Variants in FOXN3 observed in about 807,000 individuals in gnomAD.
FOXN3 encodes the protein forkhead box protein N3.
In FOXN3, 7 loss-of-function variants were observed where a neutral mutation model predicts 38.4. That is an observed-to-expected ratio of 0.18 (90% CI 0.10 to 0.34). FOXN3 has a LOEUF of 0.34. Among genes scored for constraint, FOXN3 ranks in the 10% least tolerant of loss-of-function variants. The pLI is 1.00. For synonymous variants in FOXN3, 230 were observed against 242.2 expected (o/e 0.95, Z 0.47); for missense variants, 456 against 613.4 (o/e 0.74, Z 2.71).
chr14:89,328,257 G>C (rs1566957641), intron 3 of FOXN3, among the ~76,000 whole-genome samples: 1 of 152,222 alleles, frequency 6.6e-6, no homozygotes. Context: ...TGGCACACAG[G>C]AGTTCCAGCA....
At position 89,230,950 on chromosome 14, in the gene FOXN3, C is replaced by T; in HGVS notation, c.745+50000G>A. The T allele has an allele frequency of 1.1e-5, 5 of 449,896 alleles. 1 individual carries two copies. Among genetic ancestry groups the T allele is most frequent in the South Asian group, 7.8e-5 (5 of 63,838 alleles). 27.9% of individuals were successfully genotyped at this position (449,896 alleles called of 1,614,324 possible). On this transcript the variant is annotated intron_variant, in intron 4 of 5. Transcript: ENST00000557258. ...TCGCAGCAACCCTGTGATAAATCCC[C>T]CATGGCGTCTACTGGAGTAGCACAT...
At chr14:89,315,588 G>T (rs1887696334) in intron 3 of FOXN3, among the ~76,000 whole-genome samples, 1 of 152,178 alleles carries the variant, frequency 6.6e-6, no homozygotes, top group African/African-American at 2.4e-5. Context: ...GAGGAACAAA[G>T]AACAGGCAGA....
intron 1 of FOXN3, chr14:89,576,068 T>C (rs1174572583): frequency 6.6e-6 from 1 of 152,254 alleles, no homozygotes; most frequent in Non-Finnish European, 1.5e-5. Context: ...ACACCTCTGA[T>C]GGCTCCCAAG....
intron 1 of FOXN3, among the ~76,000 whole-genome samples, chr14:89,505,873 G>C (rs1369290205): frequency 6.8e-6 from 1 of 146,736 alleles, no homozygotes; most frequent in East Asian, 2.0e-4. Context: ...TGTGGGGAGC[G>C]CCTCTGCCCT....
chr14:89,325,232 T>TCACTACCACCAC (rs1566956742), intron 3 of FOXN3, among the ~76,000 whole-genome samples: 1 of 18,310 alleles, frequency 5.5e-5, no homozygotes, highest in Non-Finnish European at 1.2e-4. Context: ...ACCACCACCA[T>TCACTACCACCAC]CACTACCACC....
intron 4 of FOXN3, among the ~76,000 whole-genome samples, chr14:89,215,166 C>G (rs1323280973): frequency 2.7e-5 from 4 of 150,294 alleles, no homozygotes; most frequent in Non-Finnish European, 5.9e-5. Context: ...TCATTAGATA[C>G]AGTTTAGAGA....
At chr14:89,213,014 G>T (rs1884147380) in intron 4 of FOXN3, among the ~76,000 whole-genome samples, 1 of 150,940 alleles carries the variant, frequency 6.6e-6, no homozygotes, top group African/African-American at 2.5e-5. Context: ...GAGGGAGGGG[G>T]AATTTCCTCA....
intron 2 of FOXN3, among the ~76,000 whole-genome samples, chr14:89,354,837 AGAGT>A (rs1393439762): frequency 6.6e-6 from 1 of 151,992 alleles, no homozygotes; most frequent in East Asian, 2.0e-4. Flanking sequence ...CCTGGGTGAC[AGAGT>A]GAGACTCCGT....
At chr14:89,226,020 T>C (rs1435228507) in intron 4 of FOXN3, among the ~76,000 whole-genome samples, 1 of 147,256 alleles carries the variant, frequency 6.8e-6, no homozygotes, top group African/African-American at 2.5e-5. Context: ...CAATTTTAAA[T>C]GAAGAATAAG....
At chr14:89,265,380 C>T (rs1885940115) in intron 4 of FOXN3, among the ~76,000 whole-genome samples, 1 of 152,082 alleles carries the variant, frequency 6.6e-6, no homozygotes, top group Non-Finnish European at 1.5e-5. Context: ...GCCGGCAGCC[C>T]CTGGGGCTAC....
At chr14:89,178,135 G>A (rs1052788275) in intron 5 of FOXN3, among the ~76,000 whole-genome samples, 1 of 151,830 alleles carries the variant, frequency 6.6e-6, no homozygotes, top group Non-Finnish European at 1.5e-5. Context: ...AGCCTCCAGA[G>A]TGGCTAGGTC....
At chr14:89,533,875 G>A (rs1166630975) in intron 1 of FOXN3, among the ~76,000 whole-genome samples, 1 of 151,900 alleles carries the variant, frequency 6.6e-6, no homozygotes, top group Non-Finnish European at 1.5e-5. Flanking sequence ...AACCAAGAAT[G>A]TGGCTCTACT....
At chr14:89,553,640 C>T (rs938422348) in intron 1 of FOXN3, among the ~76,000 whole-genome samples, 1 of 152,020 alleles carries the variant, frequency 6.6e-6, no homozygotes, top group Non-Finnish European at 1.5e-5. Context: ...TGAATTCCCC[C>T]GGCAGCCCCA....
At chr14:89,254,277 G>A (rs553415053) in intron 4 of FOXN3, among the ~76,000 whole-genome samples, 14 of 152,270 alleles carry the variant, frequency 9.2e-5, no homozygotes, top group Middle Eastern at 3.4e-3. Context: ...CACCATCATC[G>A]CCATGCTATC....
intron 1 of FOXN3, among the ~76,000 whole-genome samples, chr14:89,426,257 T>C (rs567488553): frequency 7.4e-6 from 1 of 135,430 alleles, no homozygotes; most frequent in Non-Finnish European, 1.5e-5. Flanking sequence ...AGGGTCTTGC[T>C]CTTGTCACCC....
chr14:89,331,206 TC>T (rs1888236796), intron 3 of FOXN3, among the ~76,000 whole-genome samples: 1 of 152,174 alleles, frequency 6.6e-6, no homozygotes, highest in Admixed American at 6.5e-5. Flanking sequence ...AACTCCCCAT[TC>T]CCACCTTCCC....
chr14:89,350,925 G>C, intron 2 of FOXN3, 117 bp from the exon 3 acceptor site: 1 of 732,426 alleles, frequency 1.4e-6, no homozygotes, highest in Non-Finnish European at 2.0e-6. Context: ...TTTGTTGACT[G>C]TTTGCCAGCC....
chr14:89,222,000 T>A (rs1884481579), intron 4 of FOXN3, among the ~76,000 whole-genome samples: 1 of 152,186 alleles, frequency 6.6e-6, no homozygotes, highest in Admixed American at 6.5e-5. Context: ...TTTTTTGTAT[T>A]TTTAGTAGAG....
At chr14:89,282,052 C>A (rs1886481295) in intron 3 of FOXN3, among the ~76,000 whole-genome samples, 1 of 152,014 alleles carries the variant, frequency 6.6e-6, no homozygotes, top group Non-Finnish European at 1.5e-5. Context: ...TTATCTAGGA[C>A]AGCAATACTG....
Sources: allele counts gnomAD v4.1 joint callset (sites outside exome capture counted in the v4.1 genomes callset), GRCh38; gene constraint gnomAD v4.1.1; transcripts MANE v1.5; gene names NCBI Gene and HGNC (gene_info 2026-07-23, HGNC 2026-07-21).